Variants in RORA observed in about 807,000 individuals in gnomAD.
RORA encodes RAR related orphan receptor A.
Under a neutral mutation model 69.5 loss-of-function variants are expected in RORA, and 7 were observed. The observed-to-expected ratio is 0.10, with a 90% CI of 0.06 to 0.19. The LOEUF is 0.19. RORA is among the 10% of genes least tolerant of loss of function. The pLI is 1.00. For synonymous variants in RORA, 261 were observed against 240.8 expected, an observed-to-expected ratio of 1.08 and a Z score of -0.78; for missense variants, 457 against 663.0, an observed-to-expected ratio of 0.69 and a Z score of 3.41.
intron 2 of RORA, among the ~76,000 whole-genome samples, chr15:60,637,376 T>C (rs2069859931): frequency 6.6e-6 from 1 of 152,158 alleles, no homozygotes; most frequent in Non-Finnish European, 1.5e-5. Context: ...CTTATCAGTT[T>C]GCTTTTTGTC....
chr15:60,882,947 A>G (rs998793451), intron 1 of RORA, among the ~76,000 whole-genome samples: 2 of 151,968 alleles, frequency 1.3e-5, no homozygotes, highest in African/African-American at 2.4e-5. Context: ...CCTGGCCAAC[A>G]TGGTGAAAGC....
intron 2 of RORA, among the ~76,000 whole-genome samples, chr15:60,593,840 G>A (rs2068607875): frequency 1.0e-5 from 1 of 96,482 alleles, no homozygotes; most frequent in Non-Finnish European, 2.5e-5. Context: ...TTTTCTCCAT[G>A]TAAGTGAGTT....
At chr15:61,198,170 T>G (rs922391272) in intron 1 of RORA, among the ~76,000 whole-genome samples, 1 of 152,072 alleles carries the variant, frequency 6.6e-6, no homozygotes, top group Non-Finnish European at 1.5e-5. Flanking sequence ...TTAAAAAAAT[T>G]GATATGGATG....
intron 1 of RORA, among the ~76,000 whole-genome samples, chr15:60,708,004 GC>G (rs1318902554): frequency 6.6e-6 from 1 of 151,372 alleles, no homozygotes; most frequent in African/African-American, 2.4e-5. Flanking sequence ...CCATTTGCAG[GC>G]CTTTTTTGTG....
chr15:60,781,401 G>T (rs1426743295), intron 1 of RORA, among the ~76,000 whole-genome samples: 1 of 152,170 alleles, frequency 6.6e-6, no homozygotes, highest in African/African-American at 2.4e-5. Context: ...GCTTAATTTG[G>T]TACCTGAGAG....
chr15:60,891,067 C>T (rs528210808), intron 1 of RORA, among the ~76,000 whole-genome samples: 7 of 152,328 alleles, frequency 4.6e-5, no homozygotes, highest in South Asian at 2.1e-4. Context: ...GGAGATGTCT[C>T]GGGAAGATCA....
At chr15:60,567,936 T>G (rs372267003) in intron 2 of RORA, among the ~76,000 whole-genome samples, 1 of 152,194 alleles carries the variant, frequency 6.6e-6, no homozygotes, top group African/African-American at 2.4e-5. Context: ...GGGCCTATGA[T>G]GAACAGAAGG....
chr15:60,777,554 T>C (rs989048963), intron 1 of RORA, among the ~76,000 whole-genome samples: 6 of 152,210 alleles, frequency 3.9e-5, no homozygotes, highest in Admixed American at 3.3e-4. Context: ...AATAGCCTAC[T>C]ACCTAAATGT....
intron 1 of RORA, among the ~76,000 whole-genome samples, chr15:60,847,589 A>G (rs2073279908): frequency 6.6e-6 from 1 of 152,062 alleles, no homozygotes; most frequent in African/African-American, 2.4e-5. Flanking sequence ...CACCAACCAT[A>G]TGTAGCTGTC....
At chr15:60,822,692 C>T (rs1334504087) in intron 1 of RORA, among the ~76,000 whole-genome samples, 2 of 152,216 alleles carry the variant, frequency 1.3e-5, no homozygotes, top group East Asian at 3.8e-4. Flanking sequence ...ATCAGCACCA[C>T]GCTTTCTGGC....
intron 1 of RORA, among the ~76,000 whole-genome samples, chr15:60,741,825 T>G (rs2071579015): frequency 6.6e-6 from 1 of 152,140 alleles, no homozygotes; most frequent in Non-Finnish European, 1.5e-5. Context: ...AACAACCTTG[T>G]CTTCTTTCCA....
chr15:60,893,588 G>T (rs901990437), intron 1 of RORA, among the ~76,000 whole-genome samples: 12 of 151,964 alleles, frequency 7.9e-5, no homozygotes, highest in Non-Finnish European at 1.2e-4. Flanking sequence ...CGTTTGTCTG[G>T]GTGTGTGTGT....
chr15:60,583,334 G>A (rs984166677), intron 2 of RORA, among the ~76,000 whole-genome samples: 1 of 152,234 alleles, frequency 6.6e-6, no homozygotes, highest in African/African-American at 2.4e-5. Context: ...GCACTGATCA[G>A]CTTCCAGGGC....
intron 2 of RORA, among the ~76,000 whole-genome samples, chr15:60,613,573 C>T (rs1459443161): frequency 6.6e-6 from 1 of 152,012 alleles, no homozygotes; most frequent in African/African-American, 2.4e-5. Context: ...GTAACATGCC[C>T]ACCAGATTGC....
chr15:61,044,043 C>A lies in RORA; in HGVS notation c.166+185010G>T, dbSNP rs533765064. On this transcript the variant is annotated intron_variant, in intron 1 of 10. Coordinates refer to ENST00000335670, the MANE Select transcript of RORA (RefSeq NM_134261.3). ...ACCCCAGGCTCCTCCCACCCCCTCC[C>A]TAACTCACCTGTAGGGTTTAAAGAG... 4.6e-4 allele frequency among the ~76,000 whole-genome samples: 70 copies of A among 152,240 alleles called. No individual in the cohort carries two copies. In the South Asian group the frequency reaches 0.014, roughly 31 times the overall value.
chr15:60,858,124 C>T (rs1489025456), intron 1 of RORA, among the ~76,000 whole-genome samples: 3 of 152,166 alleles, frequency 2.0e-5, no homozygotes, highest in Non-Finnish European at 4.4e-5. Context: ...TGCCCATGGC[C>T]AGTATATAAC....
At chr15:60,817,792 A>G (rs1427913495) in intron 1 of RORA, among the ~76,000 whole-genome samples, 1 of 152,118 alleles carries the variant, frequency 6.6e-6, no homozygotes, top group East Asian at 1.9e-4. Flanking sequence ...AGAGAATCAT[A>G]CCTACCTGCT....
intron 1 of RORA, among the ~76,000 whole-genome samples, chr15:61,018,475 T>C (rs552282578): frequency 2.0e-5 from 3 of 152,246 alleles, no homozygotes; most frequent in African/African-American, 7.2e-5. Context: ...GGTCTCTAAA[T>C]TGTGAGGGCG....
chr15:60,838,173 C>G (rs940757616), intron 1 of RORA, among the ~76,000 whole-genome samples: 1 of 152,136 alleles, frequency 6.6e-6, no homozygotes, highest in Admixed American at 6.5e-5. Context: ...GACCTCTATC[C>G]TATTGTTTCT....
Sources: gnomAD v4.1 joint callset for allele counts (sites outside exome capture counted in the v4.1 genomes callset) on GRCh38, gnomAD v4.1.1 for gene constraint, MANE v1.5 for transcripts, NCBI Gene and HGNC (gene_info 2026-07-23, HGNC 2026-07-21) for gene names.